CLCN3: variants seen among roughly 807,000 people sequenced by gnomAD.
The protein encoded by CLCN3 is Cl-/H+ antiporter 3.
A neutral mutation model predicts 83.4 loss-of-function variants in CLCN3; 16 were observed. The ratio of observed to expected loss-of-function variants is 0.19; its 90% CI spans 0.13 to 0.29. CLCN3 has a LOEUF of 0.29. Ranked by LOEUF, CLCN3 falls within the 10% of genes least tolerant of loss-of-function variation. The pLI is 1.00. For synonymous variants in CLCN3, 322 were observed against 346.2 expected (o/e 0.93, Z 0.78); for missense variants, 544 against 1,006.0 (o/e 0.54, Z 6.21).
intron 1 of CLCN3, among the ~76,000 whole-genome samples, chr4:169,632,716 CAAAAAAAAAAAAAA>C (rs559919032): frequency 0.043 from 1,385 of 32,318 alleles, 18 homozygotes; most frequent in Middle Eastern, 0.17. Context: ...GACTCCATCT[CAAAAAAAAAAAAAA>C]AAAAAAAAAA....
rs1732697784 is a variant in CLCN3, at chr4:169,699,627, T to G, written c.1563+1893T>G. Among the ~76,000 whole-genome samples, 3 of 152,278 alleles carry G rather than the reference T, an allele frequency of 2.0e-5. No individual in the cohort carries two copies. The East Asian group carries it at 5.8e-4, about 29-fold the overall frequency. On this transcript the variant is annotated intron_variant, in intron 9 of 12. Transcript: ENST00000513761. ...GGCCAGGCGCAGTGGCTCACACCTG[T>G]AATCCCAGCTCTTTGGGAGGCCGAG...
At chr4:169,672,352 T>G (rs902288811) in intron 2 of CLCN3, among the ~76,000 whole-genome samples, 2 of 152,070 alleles carry the variant, frequency 1.3e-5, no homozygotes, top group Non-Finnish European at 2.9e-5. Context: ...GTTAGCCAGT[T>G]TAGTCTCAAA....
intron 1 of CLCN3, among the ~76,000 whole-genome samples, chr4:169,623,941 C>T (rs1003931374): frequency 2.6e-5 from 4 of 152,024 alleles, no homozygotes; most frequent in African/African-American, 4.8e-5. Context: ...TCTCTAATAT[C>T]GACCTTAAAT....
chr4:169,663,474 C>T (rs55696229), intron 2 of CLCN3: 3,371 of 276,388 alleles, frequency 0.012, 29 homozygotes, highest in Non-Finnish European at 0.018. Context: ...GGACTGCAGG[C>T]TTGCAACACC....
At chr4:169,625,988 A>C (rs1773224988) in intron 1 of CLCN3, among the ~76,000 whole-genome samples, 1 of 152,184 alleles carries the variant, frequency 6.6e-6, no homozygotes, top group South Asian at 2.1e-4. Flanking sequence ...ACCTGGAGGT[A>C]GTGTCAGACA....
chr4:169,677,957 T>C (rs767908581), intron 2 of CLCN3, among the ~76,000 whole-genome samples: 7 of 152,226 alleles, frequency 4.6e-5, no homozygotes, highest in Admixed American at 6.5e-5. Context: ...GATACTCATA[T>C]AAGATATATG....
intron 2 of CLCN3, among the ~76,000 whole-genome samples, chr4:169,656,461 T>G (rs1264340901): frequency 6.6e-6 from 1 of 152,094 alleles, no homozygotes; most frequent in African/African-American, 2.4e-5. Flanking sequence ...GTGCTAAACC[T>G]TTCATGTAGG....
chr4:169,625,470 TC>T (rs1298714536), intron 1 of CLCN3, among the ~76,000 whole-genome samples: 3 of 152,150 alleles, frequency 2.0e-5, no homozygotes, highest in Admixed American at 2.0e-4. Context: ...CTATTTTTGC[TC>T]CCCTCCCCAA....
At chr4:169,690,209 G>T (rs755030708) in intron 5 of CLCN3, among the ~76,000 whole-genome samples, 88 of 133,688 alleles carry the variant, frequency 6.6e-4, no homozygotes, top group Middle Eastern at 4.4e-3. Context: ...GCAGTGGCAC[G>T]ATCTCGGCTC....
chr4:169,670,491 C>T (rs575266615), intron 2 of CLCN3, among the ~76,000 whole-genome samples: 26 of 152,160 alleles, frequency 1.7e-4, no homozygotes, highest in African/African-American at 6.3e-4. Context: ...GTTTTGGTAC[C>T]AGTACTATGC....
chr4:169,675,350 C>T (rs1731635290), intron 2 of CLCN3, among the ~76,000 whole-genome samples: 1 of 152,154 alleles, frequency 6.6e-6, no homozygotes, highest in South Asian at 2.1e-4. Context: ...ACGAGAAGTT[C>T]AGATTCTGGC....
intron 9 of CLCN3, among the ~76,000 whole-genome samples, chr4:169,703,448 C>T (rs1260219313): frequency 6.6e-6 from 1 of 152,208 alleles, no homozygotes; most frequent in Non-Finnish European, 1.5e-5. Context: ...GACATAATCA[C>T]ATAATCTTGA....
At chr4:169,684,606 C>G (rs1454164438) in intron 3 of CLCN3, among the ~76,000 whole-genome samples, 1 of 152,188 alleles carries the variant, frequency 6.6e-6, no homozygotes, top group African/African-American at 2.4e-5. Context: ...AGCCATTTCT[C>G]AAGGAGCTCT....
intron 11 of CLCN3, among the ~76,000 whole-genome samples, chr4:169,709,081 T>A (rs1733099590): frequency 6.7e-6 from 1 of 148,312 alleles, no homozygotes; most frequent in African/African-American, 2.4e-5. Flanking sequence ...TAATTAATTA[T>A]ATAAATATTA....
At chr4:169,634,526 A>T (rs990901689) in intron 1 of CLCN3, among the ~76,000 whole-genome samples, 15 of 152,204 alleles carry the variant, frequency 9.9e-5, no homozygotes, top group Admixed American at 8.5e-4. Flanking sequence ...ATACTTTCCT[A>T]TTGTTTTAAT....
At chr4:169,687,532 C>A (rs1732209184) in intron 3 of CLCN3, 126 bp from the exon 4 acceptor site, 6 of 566,738 alleles carry the variant, frequency 1.1e-5, no homozygotes, top group Non-Finnish European at 1.8e-5. Flanking sequence ...TCCAGACTTA[C>A]CTTTTCCATT....
At chr4:169,708,511 C>T (rs1733076870) in intron 11 of CLCN3, among the ~76,000 whole-genome samples, 1 of 152,068 alleles carries the variant, frequency 6.6e-6, no homozygotes, top group African/African-American at 2.4e-5. Context: ...GTTTTTTAGC[C>T]ATTACCATGG....
chr4:169,672,217 AAAT>A (rs113661691), intron 2 of CLCN3, among the ~76,000 whole-genome samples: 1,747 of 18,234 alleles, frequency 0.096, 13 homozygotes, highest in Non-Finnish European at 0.12. Flanking sequence ...ATCTCAAAAT[AAAT>A]GATAGATAGA....
intron 9 of CLCN3, 42 bp downstream of exon 9, chr4:169,697,776 G>A (rs1212442834): frequency 2.2e-6 from 3 of 1,354,636 alleles, no homozygotes; most frequent in Non-Finnish European, 3.1e-6. Context: ...ATTTTGGCAT[G>A]TTCAAAACTT....
Sources: allele counts gnomAD v4.1 joint callset (sites outside exome capture counted in the v4.1 genomes callset), GRCh38; gene constraint gnomAD v4.1.1; transcripts MANE v1.5; gene names NCBI Gene and HGNC (gene_info 2026-07-23, HGNC 2026-07-21).